AKAP6: variants seen among roughly 807,000 people sequenced by gnomAD.
AKAP6 encodes the protein A-kinase anchor protein 6.
Under a neutral mutation model 188.5 loss-of-function variants are expected in AKAP6, and 58 were observed. That is an observed-to-expected ratio of 0.31 (90% CI 0.25 to 0.38). AKAP6 has a LOEUF of 0.38. Ranked by LOEUF, AKAP6 falls within the 10% of genes least tolerant of loss-of-function variation. AKAP6 has a pLI of 1.00. For missense variants in AKAP6, 2,710 were observed against 2,740.0 expected (o/e 0.99, Z 0.24); for synonymous variants, 989 against 998.6 (o/e 0.99, Z 0.18).
intron 7 of AKAP6, among the ~76,000 whole-genome samples, chr14:32,658,076 G>C (rs963501483): frequency 6.6e-6 from 1 of 152,054 alleles, no homozygotes; most frequent in Non-Finnish European, 1.5e-5. Flanking sequence ...TGAGACCTCA[G>C]GTATTAAATG....
chr14:32,755,377 T>C (rs1187881709), intron 11 of AKAP6, among the ~76,000 whole-genome samples: 2 of 152,018 alleles, frequency 1.3e-5, no homozygotes, highest in Admixed American at 1.3e-4. Context: ...TTTGTTGAAC[T>C]GTAGTTTTGT....
intron 1 of AKAP6, among the ~76,000 whole-genome samples, chr14:32,412,241 A>G (rs551846584): frequency 6.6e-6 from 1 of 152,330 alleles, no homozygotes; most frequent in Admixed American, 6.5e-5. Flanking sequence ...TAATTGAATC[A>G]TTCATGCATT....
chr14:32,580,248 A>G (rs1282336411), intron 5 of AKAP6, among the ~76,000 whole-genome samples: 4 of 152,088 alleles, frequency 2.6e-5, no homozygotes, highest in Admixed American at 2.0e-4. Context: ...ATGATTTTCC[A>G]TGATAATTAA....
chr14:32,613,312 A>T (rs563037466), intron 7 of AKAP6, among the ~76,000 whole-genome samples: 4 of 152,356 alleles, frequency 2.6e-5, no homozygotes, highest in African/African-American at 9.6e-5. Context: ...TCATGTGGCT[A>T]AAACCATTCA....
intron 8 of AKAP6, among the ~76,000 whole-genome samples, chr14:32,684,641 C>T (rs1369763766): frequency 6.6e-6 from 1 of 152,026 alleles, no homozygotes; most frequent in Non-Finnish European, 1.5e-5. Context: ...AGTTAGCTCT[C>T]TGCTACTTTT....
chr14:32,391,560 C>A (rs992593803), intron 1 of AKAP6, among the ~76,000 whole-genome samples: 11 of 152,168 alleles, frequency 7.2e-5, no homozygotes, highest in African/African-American at 2.7e-4. Flanking sequence ...GAGAGCAGCT[C>A]TGTGGTCCAC....
chr14:32,666,373 G>A (rs1888935235), intron 7 of AKAP6, among the ~76,000 whole-genome samples: 1 of 151,786 alleles, frequency 6.6e-6, no homozygotes, highest in South Asian at 2.1e-4. Context: ...GTCTCCAGAG[G>A]CACACAGCAT....
At chr14:32,541,303 T>A (rs1258231509) in intron 3 of AKAP6, among the ~76,000 whole-genome samples, 3 of 144,450 alleles carry the variant, frequency 2.1e-5, no homozygotes, top group Admixed American at 7.3e-5. Flanking sequence ...TTCTCTGAGA[T>A]GTATTCAGTA....
At chr14:32,625,497 T>C (rs1438793113) in intron 7 of AKAP6, among the ~76,000 whole-genome samples, 1 of 152,158 alleles carries the variant, frequency 6.6e-6, no homozygotes, top group Non-Finnish European at 1.5e-5. Flanking sequence ...GTTGTTTTTG[T>C]CTAAATTATT....
chr14:32,815,978 G>C (rs1384236671), intron 12 of AKAP6, among the ~76,000 whole-genome samples: 1 of 152,134 alleles, frequency 6.6e-6, no homozygotes, highest in Non-Finnish European at 1.5e-5. Flanking sequence ...ACCCAAACCT[G>C]TATGAGTACC....
chr14:32,619,960 G>A (rs2139415129), intron 7 of AKAP6, among the ~76,000 whole-genome samples: 1 of 152,166 alleles, frequency 6.6e-6, no homozygotes, highest in African/African-American at 2.4e-5. Context: ...AAGGGATTGA[G>A]TTCTTGATTT....
Position 32,484,788 on chromosome 14 carries a change from G to A in AKAP6, c.325-50766G>A. On this transcript the variant is annotated intron_variant, in intron 2 of 13. Transcript: ENST00000280979. ...TTGTGGTTTGTAGAGAACAATCAAC[G>A]GTCGGCGAACATCAGTGGGATAAGG... 1.4e-5 allele frequency: 3 copies of A among 216,350 alleles called. 1 individual carries two copies. Among genetic ancestry groups the A allele is most frequent in the Non-Finnish European group, 2.0e-5 (3 of 148,716 alleles). 13.4% of individuals were successfully genotyped at this position (216,350 alleles called of 1,614,324 possible).
intron 2 of AKAP6, among the ~76,000 whole-genome samples, chr14:32,491,446 G>A (rs1158151283): frequency 3.3e-5 from 5 of 152,136 alleles, no homozygotes; most frequent in African/African-American, 1.2e-4. Context: ...TTTTGGTACT[G>A]TGCTTAAAAT....
Position 32,831,946 on chromosome 14 carries a change from C to T in AKAP6, c.*2141C>T, listed in dbSNP as rs924020900. 8 of 152,148 alleles carry T rather than the reference C, an allele frequency of 5.3e-5. No homozygotes were observed. Among genetic ancestry groups the T allele is most frequent in the South Asian group, 4.1e-4 (2 of 4,828 alleles). The allele number at this position is 152,148 out of a possible 1,614,324, so 9.4% of individuals were successfully genotyped here. On this transcript the variant is annotated 3_prime_UTR_variant, in exon 14 of 14. Coordinates refer to ENST00000280979, the MANE Select transcript of AKAP6 (RefSeq NM_004274.5). ...CTGATTTTATTTATCATTAGTGCCA[C>T]GCCAAGATCATTTAGACGATGCTTA...
At chr14:32,602,286 AG>A (rs2139356235) in intron 7 of AKAP6, among the ~76,000 whole-genome samples, 1 of 152,282 alleles carries the variant, frequency 6.6e-6, no homozygotes, top group South Asian at 2.1e-4. Context: ...ACTTGAGGTC[AG>A]GAGTTTGAGA....
chr14:32,415,087 A>C (rs1289251075), intron 1 of AKAP6, among the ~76,000 whole-genome samples: 2 of 152,230 alleles, frequency 1.3e-5, no homozygotes, highest in African/African-American at 2.4e-5. Context: ...CTGATGGAAA[A>C]GAAGTAGAAG....
At chr14:32,807,325 CAAA>C (rs10707499) in intron 12 of AKAP6, among the ~76,000 whole-genome samples, 10 of 105,232 alleles carry the variant, frequency 9.5e-5, no homozygotes, top group Admixed American at 2.1e-4. Context: ...GACCATGTCT[CAAA>C]AAAAAAAAAA....
At chr14:32,336,142 A>G (rs1886692426) in intron 1 of AKAP6, among the ~76,000 whole-genome samples, 1 of 152,052 alleles carries the variant, frequency 6.6e-6, no homozygotes, top group African/African-American at 2.4e-5. Flanking sequence ...GTGTTAATCT[A>G]TTAATCTACA....
intron 7 of AKAP6, 32 bp downstream of exon 7, chr14:32,600,824 T>G (rs757872482): frequency 2.5e-5 from 39 of 1,565,276 alleles, no homozygotes; most frequent in Non-Finnish European, 3.4e-5. Context: ...TTATTTCCTC[T>G]TATTTCTGTC....
Sources: allele counts gnomAD v4.1 joint callset (sites outside exome capture counted in the v4.1 genomes callset), GRCh38; gene constraint gnomAD v4.1.1; transcripts MANE v1.5; gene names NCBI Gene and HGNC (gene_info 2026-07-23, HGNC 2026-07-21).